The following IFRD1 variants were observed in gnomAD, a reference collection of about 807,000 sequenced individuals.
IFRD1 encodes the protein interferon-related developmental regulator 1.
Under a neutral mutation model 52.9 loss-of-function variants are expected in IFRD1, and 35 were observed. The ratio of observed to expected loss-of-function variants is 0.66; its 90% CI spans 0.51 to 0.88. The LOEUF is 0.88. Among genes scored for constraint, IFRD1 ranks in the 40% least tolerant of loss-of-function variants. The pLI is 0.00. For missense variants in IFRD1, 517 were observed against 550.8 expected, an observed-to-expected ratio of 0.94 and a Z score of 0.61; for synonymous variants, 184 against 188.4, an observed-to-expected ratio of 0.98 and a Z score of 0.19.
intron 8 of IFRD1, among the ~76,000 whole-genome samples, chr7:112,464,343 G>C (rs1215452052): frequency 6.6e-6 from 1 of 152,008 alleles, no homozygotes; most frequent in Non-Finnish European, 1.5e-5. Context: ...ATAATAAACT[G>C]TGTTCAAAGT....
chr7:112,424,949 T>C (rs1221663436), intron 1 of IFRD1, among the ~76,000 whole-genome samples: 1 of 152,226 alleles, frequency 6.6e-6, no homozygotes, highest in Non-Finnish European at 1.5e-5. Context: ...GAATGCTCCA[T>C]GTGCTGATGA....
chr7:112,473,169 A>G (rs1410116816), intron 11 of IFRD1, among the ~76,000 whole-genome samples: 2 of 151,982 alleles, frequency 1.3e-5, no homozygotes, highest in African/African-American at 4.8e-5. Flanking sequence ...TATTTCTTTC[A>G]TTTTATGAAA....
chr7:112,454,467 A>G (rs551437819), intron 1 of IFRD1, among the ~76,000 whole-genome samples: 2 of 152,332 alleles, frequency 1.3e-5, no homozygotes, highest in South Asian at 4.1e-4. Context: ...TGCTGGGATT[A>G]TAAGTGTGAG....
intron 1 of IFRD1, among the ~76,000 whole-genome samples, chr7:112,428,756 T>C (rs1794483823): frequency 6.6e-6 from 1 of 152,130 alleles, no homozygotes; most frequent in African/African-American, 2.4e-5. Context: ...TCTGTATTCT[T>C]TTTCTTAAAC....
chr7:112,445,851 A>G (rs537298439), upstream of IFRD1, among the ~76,000 whole-genome samples: 44 of 152,348 alleles, frequency 2.9e-4, 1 homozygote, highest in South Asian at 7.7e-3. Context: ...CTTGTATCTC[A>G]TGTCTGAGGG....
At chr7:112,456,808 A>T in intron 3 of IFRD1, 106 bp from the exon 4 acceptor site, 1 of 1,062,382 alleles carries the variant, frequency 9.4e-7, no homozygotes, top group Non-Finnish European at 1.4e-6. Flanking sequence ...AATTAGATTT[A>T]AAAAATCTAT....
chr7:112,445,062 CTTTT>C lies in IFRD1; in HGVS notation c.-181-5427_-181-5424del, dbSNP rs3057810. On this transcript the variant is annotated intron_variant, in intron 1 of 12. Coordinates refer to the IFRD1 transcript ENST00000005558. The stretch of plus-strand genomic sequence containing the variant: ...TTGGAATCAGATAGGCCTAGGCTTT[CTTTT>C]TTTTTTTTTTTTTTTTTTGAAACAG... 4.4e-3 allele frequency among the ~76,000 whole-genome samples: 449 copies of C among 102,188 alleles called. 3 individuals carry two copies. The highest frequency in any genetic ancestry group is 0.015 in the African/African-American group (417 of 27,490). 67.0% of individuals were successfully genotyped at this position (102,188 alleles called of 152,430 possible).
intron 9 of IFRD1, among the ~76,000 whole-genome samples, chr7:112,471,064 G>A (rs1795732927): frequency 6.6e-6 from 1 of 152,102 alleles, no homozygotes; most frequent in African/African-American, 2.4e-5. Context: ...ATAGAGGGTT[G>A]GTGGGAAACA....
At chr7:112,424,193 C>G (rs1794380252) in intron 1 of IFRD1, among the ~76,000 whole-genome samples, 1 of 152,052 alleles carries the variant, frequency 6.6e-6, no homozygotes, top group African/African-American at 2.4e-5. Context: ...TGTGGTCGAG[C>G]TGGCACCATT....
chr7:112,462,366 A>G lies in IFRD1; in HGVS notation c.894A>G (p.Arg298=). The G allele has an allele frequency of 6.2e-7, 1 of 1,607,216 alleles. No homozygotes were observed. Among genetic ancestry groups the G allele is most frequent in the Non-Finnish European group, 8.5e-7 (1 of 1,173,960 alleles). Residue 298 remains arginine (R), a synonymous_variant, in exon 8 of 12, where the codon AGA becomes AGG. Transcript: ENST00000403825. The stretch of plus-strand genomic sequence containing the variant: ...TGGCACTTCTCTTTGAATTGGCCAG[A>G]GGAATAGAGAGTGTAAGTATCTAAC... ...ESLALLFELA[R]GIESDFFYED...
At chr7:112,441,283 CA>C (rs1029243262) in intron 1 of IFRD1, among the ~76,000 whole-genome samples, 1 of 151,540 alleles carries the variant, frequency 6.6e-6, no homozygotes, top group Non-Finnish European at 1.5e-5. Flanking sequence ...TTAAAAAAAA[CA>C]AAAACAAAAA....
At chr7:112,458,001 C>T (rs1795337477) in intron 4 of IFRD1, 1 of 152,106 alleles carries the variant, frequency 6.6e-6, no homozygotes, top group African/African-American at 2.4e-5. Flanking sequence ...TGAGGTGGGT[C>T]TAAGCTGATA....
rs568944676 is a variant in IFRD1, at chr7:112,455,747, C to T, written c.95-16C>T. 4 of 1,546,408 alleles carry T rather than the reference C, an allele frequency of 2.6e-6. No homozygotes were observed. The highest frequency in any genetic ancestry group is 2.2e-5 in the South Asian group (2 of 89,756). On this transcript the variant is annotated splice_polypyrimidine_tract_variant and intron_variant, in intron 1 of 11. Coordinates refer to ENST00000403825, the MANE Select transcript of IFRD1 (RefSeq NM_001550.4). Reference sequence around the variant, plus strand: ...GGCAATAAAATAATTTACCTCTTTCCTCTTTTACCTAATAGGTGGCCAGCA... The same window carrying T: ...GGCAATAAAATAATTTACCTCTTTCTTCTTTTACCTAATAGGTGGCCAGCA...
chr7:112,428,436 G>A (rs969449608), intron 1 of IFRD1, among the ~76,000 whole-genome samples: 1 of 152,200 alleles, frequency 6.6e-6, no homozygotes, highest in African/African-American at 2.4e-5. Context: ...GTAGTTAAGA[G>A]GCAGTGACAG....
chr7:112,467,232 T>A (rs939515761), intron 8 of IFRD1: 1 of 152,252 alleles, frequency 6.6e-6, no homozygotes, highest in African/African-American at 2.4e-5. Flanking sequence ...GAACTGGAGA[T>A]TGCCCATCTC....
At chr7:112,460,059 A>G (rs533360457) in intron 5 of IFRD1, among the ~76,000 whole-genome samples, 1 of 152,304 alleles carries the variant, frequency 6.6e-6, no homozygotes, top group African/African-American at 2.4e-5. Flanking sequence ...TTCATGCTAG[A>G]ATGACAGAAA....
intron 9 of IFRD1, among the ~76,000 whole-genome samples, chr7:112,471,183 C>T (rs1795736207): frequency 6.6e-6 from 1 of 152,144 alleles, no homozygotes; most frequent in Non-Finnish European, 1.5e-5. Context: ...ACCAGACGGT[C>T]ACTGTGTTTG....
intron 1 of IFRD1, among the ~76,000 whole-genome samples, chr7:112,430,114 G>A (rs1794516603): frequency 1.3e-5 from 2 of 152,310 alleles, no homozygotes; most frequent in South Asian, 4.1e-4. Flanking sequence ...AAAGGACTTG[G>A]AGCTGCCCAC....
intron 1 of IFRD1, among the ~76,000 whole-genome samples, chr7:112,439,676 A>G (rs1216025488): frequency 1.3e-5 from 2 of 152,108 alleles, no homozygotes; most frequent in Non-Finnish European, 2.9e-5. Context: ...CCATCTGTTC[A>G]TTTGTATTTC....
Sources: gnomAD v4.1 joint callset for allele counts (sites outside exome capture counted in the v4.1 genomes callset) on GRCh38, gnomAD v4.1.1 for gene constraint, MANE v1.5 for transcripts, NCBI Gene and HGNC (gene_info 2026-07-23, HGNC 2026-07-21) for gene names.